The following RASA2 variants were observed in gnomAD, a reference collection of about 807,000 sequenced individuals.
The protein encoded by RASA2 is ras GTPase-activating protein 2.
Under a neutral mutation model 118.2 loss-of-function variants are expected in RASA2, and 155 were observed. The ratio of observed to expected loss-of-function variants is 1.31; its 90% CI spans 1.15 to 1.50. RASA2 has a LOEUF of 1.50. RASA2 is among the 40% of genes most tolerant of loss of function. The pLI is 0.00. For synonymous variants in RASA2, 353 were observed against 349.1 expected (o/e 1.01, Z -0.12); for missense variants, 1,016 against 1,009.6 (o/e 1.01, Z -0.09).
At chr3:141,534,867 G>C (rs1208237258) in intron 4 of RASA2, among the ~76,000 whole-genome samples, 1 of 151,850 alleles carries the variant, frequency 6.6e-6, no homozygotes, top group Non-Finnish European at 1.5e-5. Flanking sequence ...TAATATAAGA[G>C]ATATTAAATA....
Position 141,538,395 on chromosome 3 carries a change from A to G in RASA2, c.451-2138A>G, listed in dbSNP as rs1279394495. On this transcript the variant is annotated intron_variant, in intron 4 of 23. Coordinates refer to ENST00000286364, the MANE Select transcript of RASA2 (RefSeq NM_006506.5). ...TTGGTAGTATGAACTTTTAAAATCT[A>G]GAGCAAAAAAGCAAAGAAAATCTTC... Among the ~76,000 whole-genome samples, 8 of 152,330 alleles carry G rather than the reference A, an allele frequency of 5.3e-5. No homozygotes were observed. In the South Asian group the frequency reaches 1.4e-3, roughly 28 times the overall value.
intron 18 of RASA2, among the ~76,000 whole-genome samples, 162 bp from the exon 19 acceptor site, chr3:141,586,484 T>C (rs1285844128): frequency 2.0e-5 from 3 of 152,244 alleles, no homozygotes; most frequent in Non-Finnish European, 4.4e-5. Flanking sequence ...TCCTTTAGTG[T>C]GGCCAAAATA....
At chr3:141,591,915 A>G (rs1026549700) in intron 19 of RASA2, among the ~76,000 whole-genome samples, 2 of 152,014 alleles carry the variant, frequency 1.3e-5, no homozygotes, top group Non-Finnish European at 2.9e-5. Context: ...AGAACAAAAT[A>G]CATCATTGAT....
chr3:141,500,467 A>C (rs756906207), intron 1 of RASA2, among the ~76,000 whole-genome samples: 14 of 152,214 alleles, frequency 9.2e-5, no homozygotes, highest in Non-Finnish European at 4.4e-5. Flanking sequence ...AGCATGTTTA[A>C]AGCATGGTTT....
chr3:141,552,862 T>C (rs372544854), intron 5 of RASA2, among the ~76,000 whole-genome samples: 2 of 152,232 alleles, frequency 1.3e-5, no homozygotes, highest in African/African-American at 2.4e-5. Flanking sequence ...CAACAAAGAA[T>C]ACTTTTCAGC....
chr3:141,551,970 A>G (rs1270094072), intron 5 of RASA2, among the ~76,000 whole-genome samples: 9 of 152,202 alleles, frequency 5.9e-5, no homozygotes, highest in Admixed American at 5.2e-4. Flanking sequence ...TTGGAAGAAC[A>G]GTGCTATGCT....
At chr3:141,535,274 A>C (rs2082311698) in intron 4 of RASA2, among the ~76,000 whole-genome samples, 2 of 152,134 alleles carry the variant, frequency 1.3e-5, no homozygotes, top group South Asian at 2.1e-4. Flanking sequence ...AAAACCAAAA[A>C]ATTTTTGTGA....
At chr3:141,594,283 T>A (rs1406402368) in intron 19 of RASA2, among the ~76,000 whole-genome samples, 4 of 151,954 alleles carry the variant, frequency 2.6e-5, no homozygotes, top group Admixed American at 6.6e-5. Flanking sequence ...AGTGACCCTT[T>A]AGTACAATAT....
At chr3:141,549,392 T>A (rs937546412) in intron 5 of RASA2, among the ~76,000 whole-genome samples, 2 of 152,074 alleles carry the variant, frequency 1.3e-5, no homozygotes, top group African/African-American at 4.8e-5. Flanking sequence ...CATACCCCAG[T>A]CCTTTTTATC....
At chr3:141,515,611 A>G (rs891956109) in intron 2 of RASA2, among the ~76,000 whole-genome samples, 1 of 152,188 alleles carries the variant, frequency 6.6e-6, no homozygotes, top group African/African-American at 2.4e-5. Flanking sequence ...ATTGAAAGTG[A>G]TATTATTTGG....
intron 19 of RASA2, among the ~76,000 whole-genome samples, chr3:141,587,292 A>G (rs1414026636): frequency 1.3e-5 from 2 of 152,246 alleles, no homozygotes; most frequent in African/African-American, 4.8e-5. Flanking sequence ...CAAGTGGGCT[A>G]TTTGTGTAAA....
At chr3:141,610,516 G>A (rs979278562) in intron 23 of RASA2, among the ~76,000 whole-genome samples, 1 of 138,356 alleles carries the variant, frequency 7.2e-6, no homozygotes, top group Non-Finnish European at 1.5e-5. Context: ...GTAGAGACAG[G>A]TTCTTGCCCT....
chr3:141,559,362 A>G (rs2082696136), intron 8 of RASA2, among the ~76,000 whole-genome samples: 1 of 152,084 alleles, frequency 6.6e-6, no homozygotes, highest in African/African-American at 2.4e-5. Flanking sequence ...TAAGAAGATA[A>G]TTCAACAGGT....
At position 141,540,598 on chromosome 3, in the gene RASA2, G is replaced by C; in HGVS notation, c.516G>C (p.Gln172His). The C allele has an allele frequency of 1.2e-6, 2 of 1,611,474 alleles. No homozygotes were observed. The highest frequency in any genetic ancestry group is 1.7e-6 in the Non-Finnish European group (2 of 1,178,136). The change falls in exon 5 of 24, where the codon CAG (glutamine) becomes CAC (histidine). Residue 172 changes from glutamine (Q) to histidine (H), a missense_variant. Gln to His is a conservative substitution (Grantham distance 24). Around this residue, in one of 2 missense-constraint regions of RASA2, gnomAD observed 896 missense variants for 836.4 expected, o/e 1.07. Transcript: ENST00000286364. The part of the protein sequence containing the change: ...LITENGTVCQ[Q>H]LVVHIKACHG... ...CGGAGAATGGAACTGTATGCCAGCA[G>C]CTTGTTGTACAGTAAGCATTTTTTT...
At chr3:141,537,351 C>G (rs1471291442) in intron 4 of RASA2, among the ~76,000 whole-genome samples, 1 of 152,208 alleles carries the variant, frequency 6.6e-6, no homozygotes, top group East Asian at 1.9e-4. Context: ...TCAGCTGTGG[C>G]TACTCTGCTA....
intron 8 of RASA2, among the ~76,000 whole-genome samples, chr3:141,559,298 A>AT (rs1006521835): frequency 4.0e-5 from 6 of 151,812 alleles, no homozygotes; most frequent in Non-Finnish European, 8.8e-5. Context: ...CAATTTAGAA[A>AT]TTTTTTTTTA....
At chr3:141,534,338 C>T (rs1008514427) in intron 4 of RASA2, among the ~76,000 whole-genome samples, 4 of 152,102 alleles carry the variant, frequency 2.6e-5, no homozygotes, top group East Asian at 1.9e-4. Context: ...AGTTTGAGAC[C>T]AGCTTGGGCA....
At chr3:141,571,356 A>T (rs774269633) in intron 10 of RASA2, 50 bp from the exon 11 acceptor site, 2 of 1,578,012 alleles carry the variant, frequency 1.3e-6, no homozygotes, top group South Asian at 2.3e-5. Flanking sequence ...TTGAACAGTT[A>T]ATCATGTTTC....
intron 19 of RASA2, among the ~76,000 whole-genome samples, chr3:141,602,578 CT>C (rs1440665691): frequency 6.6e-6 from 1 of 152,144 alleles, no homozygotes; most frequent in Non-Finnish European, 1.5e-5. Flanking sequence ...TGTAGTGTGT[CT>C]GCATTTGGTT....
Sources: gnomAD v4.1 joint callset for allele counts (sites outside exome capture counted in the v4.1 genomes callset) on GRCh38, gnomAD v4.1.1 for gene constraint, gnomAD v4.1.1 regional missense constraint, MANE v1.5 for transcripts, NCBI Gene and HGNC (gene_info 2026-07-23, HGNC 2026-07-21) for gene names.